RPS6KA2: variants seen among roughly 807,000 people sequenced by gnomAD.
RPS6KA2 encodes the protein ribosomal protein S6 kinase alpha-2.
In RPS6KA2, 42 loss-of-function variants were observed where a neutral mutation model predicts 91.8. The ratio of observed to expected loss-of-function variants is 0.46; its 90% CI spans 0.36 to 0.59. The LOEUF (loss-of-function observed/expected upper bound fraction) is 0.59. Among genes scored for constraint, RPS6KA2 ranks in the 20% least tolerant of loss-of-function variants. The pLI, the probability that RPS6KA2 is intolerant of heterozygous loss-of-function variation, is 0.00. For synonymous variants in RPS6KA2, 414 were observed against 393.6 expected, an observed-to-expected ratio of 1.05 and a Z score of -0.61; for missense variants, 798 against 978.5, an observed-to-expected ratio of 0.82 and a Z score of 2.46.
rs1055327078 is a variant in RPS6KA2, at chr6:166,662,496, T to G, written c.124-123712A>C. Among the ~76,000 whole-genome samples the G allele has an allele frequency of 6.6e-6, 1 of 152,132 alleles. No individual in the cohort carries two copies. Among genetic ancestry groups the G allele is most frequent in the Non-Finnish European group, 1.5e-5 (1 of 68,026 alleles). ...CAATGCCTATGTTACAGGAGTGCAG[T>G]TTTATGTTTGGAAAGAGTCTCTTAG... On this transcript the variant is annotated intron_variant, in intron 2 of 21. Transcript: ENST00000503859. The surrounding 1 kb of genome is among the most constrained non-coding windows in gnomAD (Gnocchi z 4.3).
At position 166,419,383 on chromosome 6, in the gene RPS6KA2, G is replaced by A. The variant is rs1209746235; in HGVS notation, c.1820+499C>T. On this transcript the variant is annotated intron_variant, in intron 18 of 20. Transcript: ENST00000265678. This position sits in a 1 kb window ranked among gnomAD's most constrained non-coding sequence, Gnocchi z 5.6. ...CCCAGAGTCACGGCTAGTGGCGAGTGGGGCTCAGATGGAAGTCAGCTGTCT... is the reference window on the plus strand; with the variant it reads ...CCCAGAGTCACGGCTAGTGGCGAGTAGGGCTCAGATGGAAGTCAGCTGTCT... Among the ~76,000 whole-genome samples the A allele has an allele frequency of 6.6e-6, 1 of 152,198 alleles. No homozygotes were observed. The highest frequency in any genetic ancestry group is 1.5e-5 in the Non-Finnish European group (1 of 68,042).
chr6:166,531,401 G>A, intron 2 of RPS6KA2, 88 bp from the exon 3 acceptor site: 2 of 992,504 alleles, frequency 2.0e-6, no homozygotes, highest in South Asian at 2.7e-5. Flanking sequence ...ACACAAGGAA[G>A]TTTAGAGCAT....
At chr6:166,636,111 C>T (rs1047589641) in intron 2 of RPS6KA2, among the ~76,000 whole-genome samples, 2 of 152,172 alleles carry the variant, frequency 1.3e-5, no homozygotes, top group East Asian at 1.9e-4. Flanking sequence ...CACCACCTAC[C>T]GCCCATCCCG....
intron 1 of RPS6KA2, among the ~76,000 whole-genome samples, chr6:166,564,892 A>G (rs1784449456): frequency 6.6e-6 from 1 of 152,112 alleles, no homozygotes; most frequent in East Asian, 1.9e-4. Context: ...TGCTTCAGGG[A>G]GCGGGCAGGA....
At chr6:166,761,595 A>G (rs1322051163) in intron 2 of RPS6KA2, among the ~76,000 whole-genome samples, 1 of 152,250 alleles carries the variant, frequency 6.6e-6, no homozygotes, top group Non-Finnish European at 1.5e-5. Context: ...AGCGGAAAGC[A>G]TCTGTTTCGT....
chr6:166,858,036 A>G lies in RPS6KA2; in HGVS notation c.123+164T>C, dbSNP rs1457996217. Reference sequence around the variant, plus strand: ...AATATAATAAGCACATGATATGTACATATGCATATATACACGTTTGTGCAT... The same window carrying G: ...AATATAATAAGCACATGATATGTACGTATGCATATATACACGTTTGTGCAT... On this transcript the variant is annotated intron_variant, in intron 2 of 21. Coordinates refer to the RPS6KA2 transcript ENST00000503859. 1.9e-5 allele frequency: 12 copies of G among 635,516 alleles called. No individual in the cohort carries two copies. The East Asian group carries it at 3.1e-4, about 16-fold the overall frequency. 39.4% of individuals were successfully genotyped at this position (635,516 alleles called of 1,614,324 possible). A position where few individuals can be genotyped will look rare whatever the true frequency, so the allele number is the denominator to read the frequency against.
At chr6:166,788,661 G>T (rs1220937002) in intron 2 of RPS6KA2, among the ~76,000 whole-genome samples, 1 of 152,126 alleles carries the variant, frequency 6.6e-6, no homozygotes, top group African/African-American at 2.4e-5. Context: ...TCAGGGAGGG[G>T]AACATCACAC....
intron 2 of RPS6KA2, chr6:166,701,864 T>G: frequency 1.1e-6 from 1 of 915,154 alleles, no homozygotes. Flanking sequence ...GTGTTCTGGA[T>G]TATACTGCAT....
At chr6:166,456,145 C>G (rs1365213177) in intron 12 of RPS6KA2, among the ~76,000 whole-genome samples, 1 of 152,194 alleles carries the variant, frequency 6.6e-6, no homozygotes, top group Non-Finnish European at 1.5e-5. Flanking sequence ...CACAACCTTC[C>G]GTGGCCAGAG....
chr6:166,857,961 G>A (rs1017682508), intron 2 of RPS6KA2: 46 of 528,566 alleles, frequency 8.7e-5, no homozygotes, highest in Non-Finnish European at 1.3e-4. Flanking sequence ...TACCTCGATG[G>A]ACAGCCTTCC....
At chr6:166,702,384 A>G in intron 2 of RPS6KA2, 1 of 1,608,724 alleles carries the variant, frequency 6.2e-7, no homozygotes, top group Non-Finnish European at 8.5e-7. Flanking sequence ...GCTACTTTCA[A>G]GGTGAAATTC....
intron 2 of RPS6KA2, among the ~76,000 whole-genome samples, chr6:166,695,788 CAGGAGCACTGGATTCTCAT>C (rs1196874886): frequency 0.025 from 3,524 of 139,878 alleles, 176 homozygotes; most frequent in African/African-American, 0.1. Context: ...TGGATTCTCA[CAGGAGCACTGGATTCTCAT>C]AGGAGCACTG....
At chr6:166,461,543 G>A (rs1204824484) in intron 11 of RPS6KA2, among the ~76,000 whole-genome samples, 4 of 143,150 alleles carry the variant, frequency 2.8e-5, no homozygotes, top group East Asian at 2.1e-4. Flanking sequence ...GGAGAGAGGG[G>A]GTGGGGGGAG....
intron 11 of RPS6KA2, among the ~76,000 whole-genome samples, chr6:166,467,543 AAGG>A (rs1292945800): frequency 6.6e-6 from 1 of 152,180 alleles, no homozygotes; most frequent in South Asian, 2.1e-4. Context: ...GGCAGACTGG[AAGG>A]AGGAGACCAG....
chr6:166,754,432 C>T (rs953785305), intron 2 of RPS6KA2, among the ~76,000 whole-genome samples: 2 of 152,174 alleles, frequency 1.3e-5, no homozygotes, highest in South Asian at 4.1e-4. Context: ...AGGGAAGGAA[C>T]AGGTGAGCCA....
At chr6:166,829,723 A>G (rs1055576575) in intron 2 of RPS6KA2, among the ~76,000 whole-genome samples, 5 of 152,142 alleles carry the variant, frequency 3.3e-5, no homozygotes, top group African/African-American at 9.7e-5. Flanking sequence ...TACTCTGAAG[A>G]TGGAAGCAAC....
rs1214552636 is a variant in RPS6KA2, at chr6:166,665,333, G to A, written c.124-126549C>T. ...ATTGATGTTAAGAATACTAATGAAG[G>A]ATGAACTGAGTCTCTCTGCAGCTGC... On this transcript the variant is annotated intron_variant, in intron 2 of 21. Transcript: ENST00000503859. The surrounding 1 kb of genome is among the most constrained non-coding windows in gnomAD (Gnocchi z 4.5). 2.6e-5 allele frequency among the ~76,000 whole-genome samples: 4 copies of A among 152,138 alleles called. No homozygotes were observed. Among genetic ancestry groups the A allele is most frequent in the African/African-American group, 7.2e-5 (3 of 41,418 alleles).
intron 1 of RPS6KA2, among the ~76,000 whole-genome samples, chr6:166,580,568 C>T (rs1378383505): frequency 2.6e-5 from 4 of 152,206 alleles, no homozygotes; most frequent in Admixed American, 6.5e-5. Flanking sequence ...CCCTGGGCCA[C>T]GGGTTGGACA....
chr6:166,819,479 A>G (rs971746726), intron 2 of RPS6KA2, among the ~76,000 whole-genome samples: 1 of 152,190 alleles, frequency 6.6e-6, no homozygotes, highest in Non-Finnish European at 1.5e-5. Flanking sequence ...GTGAATGCAG[A>G]AAGTCAGCCC....
Sources: gnomAD v4.1 joint callset for allele counts (sites outside exome capture counted in the v4.1 genomes callset) on GRCh38, gnomAD v4.1.1 for gene constraint, Gnocchi (gnomAD v3.1) non-coding constraint, MANE v1.5 for transcripts, NCBI Gene and HGNC (gene_info 2026-07-23, HGNC 2026-07-21) for gene names.